Variants in UBE2H observed in about 807,000 individuals in gnomAD.
UBE2H encodes the protein ubiquitin conjugating enzyme E2 H.
A neutral mutation model predicts 29.0 loss-of-function variants in UBE2H; 3 were observed. That is an observed-to-expected ratio of 0.10 (90% CI 0.05 to 0.27). The LOEUF is 0.27. Among genes scored for constraint, UBE2H ranks in the 10% least tolerant of loss-of-function variants. The pLI is 1.00. For missense variants in UBE2H, 68 were observed against 228.2 expected (o/e 0.30, Z 4.52); for synonymous variants, 69 against 82.9 (o/e 0.83, Z 0.91).
chr7:129,924,270 T>C (rs1020455191), intron 1 of UBE2H, among the ~76,000 whole-genome samples: 1 of 152,204 alleles, frequency 6.6e-6, no homozygotes, highest in Non-Finnish European at 1.5e-5. Context: ...GATCCATTTC[T>C]AGAAATGAAA....
chr7:129,893,686 ATCAATAGCTCCTTAATAAACAAACTTGAC>A (rs1308680715), intron 1 of UBE2H, among the ~76,000 whole-genome samples: 1 of 152,398 alleles, frequency 6.6e-6, no homozygotes, highest in East Asian at 1.9e-4. Flanking sequence ...TCGATGAAAT[ATCAATAGCTCCTTAATAAACAAACTTGAC>A]TGCTTTGCTG....
intron 1 of UBE2H, among the ~76,000 whole-genome samples, chr7:129,922,962 C>A (rs1023092284): frequency 2.0e-5 from 3 of 151,964 alleles, no homozygotes; most frequent in Non-Finnish European, 2.9e-5. Context: ...AGTGCAGTGG[C>A]ATGATCTCGG....
intron 5 of UBE2H, among the ~76,000 whole-genome samples, chr7:129,849,826 G>T (rs919637436): frequency 1.3e-5 from 2 of 152,058 alleles, no homozygotes; most frequent in East Asian, 3.9e-4. Flanking sequence ...GTATATTAAA[G>T]AATTCATACA....
chr7:129,893,825 A>T (rs1806547777), intron 1 of UBE2H, among the ~76,000 whole-genome samples: 1 of 152,236 alleles, frequency 6.6e-6, no homozygotes, highest in Admixed American at 6.5e-5. Context: ...TATTAGCTAA[A>T]TAGTATATTA....
chr7:129,946,650 G>T (rs1024586799), intron 1 of UBE2H, among the ~76,000 whole-genome samples: 10 of 152,060 alleles, frequency 6.6e-5, no homozygotes, highest in Non-Finnish European at 1.3e-4. Context: ...GTGATTATTT[G>T]TTTTTTGTTT....
At chr7:129,921,524 C>T (rs1050602344) in intron 1 of UBE2H, among the ~76,000 whole-genome samples, 8 of 151,882 alleles carry the variant, frequency 5.3e-5, no homozygotes, top group Non-Finnish European at 1.0e-4. Context: ...ACAGTGAAAC[C>T]CTGTCTCTAC....
chr7:129,863,010 G>A (rs965875875), intron 3 of UBE2H, among the ~76,000 whole-genome samples: 3 of 152,142 alleles, frequency 2.0e-5, no homozygotes, highest in African/African-American at 4.8e-5. Flanking sequence ...GAGGCCACGG[G>A]GCATTTAAAG....
intron 3 of UBE2H, among the ~76,000 whole-genome samples, chr7:129,875,681 C>T (rs778877624): frequency 7.2e-5 from 11 of 152,048 alleles, no homozygotes; most frequent in Non-Finnish European, 1.6e-4. Flanking sequence ...GTATCCTCTG[C>T]TTATTTTTTT....
intron 1 of UBE2H, among the ~76,000 whole-genome samples, chr7:129,931,368 A>G (rs529586860): frequency 3.2e-4 from 48 of 152,258 alleles, no homozygotes; most frequent in African/African-American, 1.2e-3. Flanking sequence ...AGCCTGGGCA[A>G]CAGAGTAAGA....
chr7:129,933,408 G>A (rs1406253200), intron 1 of UBE2H, among the ~76,000 whole-genome samples: 4 of 152,192 alleles, frequency 2.6e-5, no homozygotes, highest in African/African-American at 9.7e-5. Flanking sequence ...TAATTTGGAT[G>A]AGTTTAAGGT....
intron 1 of UBE2H, among the ~76,000 whole-genome samples, chr7:129,903,359 C>G (rs17559441): frequency 0.16 from 24,922 of 152,202 alleles, 2,678 homozygotes; most frequent in Non-Finnish European, 0.25. Context: ...CAATAAGACA[C>G]AGAAAACTCT....
At chr7:129,913,030 C>A (rs931252729) in intron 1 of UBE2H, among the ~76,000 whole-genome samples, 44 of 152,034 alleles carry the variant, frequency 2.9e-4, no homozygotes, top group African/African-American at 1.0e-3. Context: ...GCGGGTGGGT[C>A]GCCTGAGGTC....
intron 5 of UBE2H, among the ~76,000 whole-genome samples, chr7:129,843,055 G>A (rs1584738391): frequency 1.4e-5 from 2 of 142,384 alleles, no homozygotes; most frequent in African/African-American, 5.3e-5. Context: ...CTGGGGTGCA[G>A]TAGTGTGATC....
At chr7:129,919,575 C>A (rs1247836273) in intron 1 of UBE2H, among the ~76,000 whole-genome samples, 4 of 152,180 alleles carry the variant, frequency 2.6e-5, no homozygotes, top group African/African-American at 9.7e-5. Context: ...CTCAACTCCA[C>A]AGCTCTCTGA....
rs182046716 is a variant in UBE2H at position 129,831,556 on chromosome 7, T to C, written c.*3381A>G. ...TGAGAGGAGACATTCCTCAGGAGCT[T>C]AGATCAGCCAGCTGGCAGTCAGAAC... On this transcript the variant is annotated 3_prime_UTR_variant, in exon 7 of 7. Transcript: ENST00000355621. The C allele has an allele frequency of 8.5e-5, 13 of 152,280 alleles. No individual in the cohort carries two copies. Among genetic ancestry groups the C allele is most frequent in the Admixed American group, 7.2e-4 (11 of 15,288 alleles). The allele number at this position is 152,280 out of a possible 1,614,324, so 9.4% of individuals were successfully genotyped here. A position where few individuals can be genotyped will look rare whatever the true frequency, so the allele number is the denominator to read the frequency against.
intron 1 of UBE2H, among the ~76,000 whole-genome samples, chr7:129,922,602 C>A (rs1483036549): frequency 1.3e-5 from 2 of 152,106 alleles, no homozygotes; most frequent in African/African-American, 4.8e-5. Flanking sequence ...TTTGAAGATG[C>A]ATGTTAAAGT....
At position 129,852,816 on chromosome 7, in the gene UBE2H, C is replaced by G. The variant is rs557397483; in HGVS notation, c.298+4695G>C. Among the ~76,000 whole-genome samples, 6 of 152,186 alleles carry G rather than the reference C, an allele frequency of 3.9e-5. No homozygotes were observed. In the East Asian group the frequency reaches 9.7e-4, roughly 25 times the overall value. On this transcript the variant is annotated intron_variant, in intron 5 of 6. Coordinates refer to ENST00000355621, the MANE Select transcript of UBE2H (RefSeq NM_003344.4). ...TCTGGGCTCACTGCAACCTCCGCCT[C>G]CCGGGTTCAAGCAATTCTCCTGCCT...
At chr7:129,938,521 C>T (rs1807576746) in intron 1 of UBE2H, among the ~76,000 whole-genome samples, 1 of 149,672 alleles carries the variant, frequency 6.7e-6, no homozygotes, top group East Asian at 2.0e-4. Context: ...TCAAAACCAC[C>T]CTGACCAATA....
intron 5 of UBE2H, among the ~76,000 whole-genome samples, chr7:129,843,094 G>A (rs989845284): frequency 3.3e-5 from 5 of 149,870 alleles, no homozygotes; most frequent in East Asian, 2.0e-4. Context: ...CGCCTCCTGG[G>A]TTCACGCCAT....
Sources: allele counts gnomAD v4.1 joint callset (sites outside exome capture counted in the v4.1 genomes callset), GRCh38; gene constraint gnomAD v4.1.1; transcripts MANE v1.5; gene names NCBI Gene and HGNC (gene_info 2026-07-23, HGNC 2026-07-21).